The following TMEM132D variants were observed in gnomAD, a reference collection of about 807,000 sequenced individuals.
The protein encoded by TMEM132D is mature OL transmembrane protein.
In TMEM132D, 21 loss-of-function variants were observed where a neutral mutation model predicts 62.3. That is an observed-to-expected ratio of 0.34 (90% confidence interval 0.24 to 0.49). The LOEUF (loss-of-function observed/expected upper bound fraction) is 0.49, where lower values mean the gene tolerates loss of function less well. Ranked by LOEUF, TMEM132D falls within the 20% of genes least tolerant of loss-of-function variation. TMEM132D has a pLI of 0.99. For missense variants in TMEM132D, 1,346 were observed against 1,402.8 expected (o/e 0.96, Z 0.65); for synonymous variants, 621 against 575.6 (o/e 1.08, Z -1.13).
chr12:129,270,144 A>G (rs1237234303), intron 4 of TMEM132D, among the ~76,000 whole-genome samples: 1 of 152,162 alleles, frequency 6.6e-6, no homozygotes, highest in East Asian at 1.9e-4. Context: ...TATGCAGATA[A>G]GGTTGTCCTG....
intron 3 of TMEM132D, among the ~76,000 whole-genome samples, chr12:129,411,816 T>C (rs1434755156): frequency 1.3e-5 from 2 of 152,228 alleles, no homozygotes; most frequent in African/African-American, 2.4e-5. Flanking sequence ...CTTCCACAAA[T>C]ATTTCGAGAT....
At chr12:129,634,082 T>C (rs1329496108) in intron 2 of TMEM132D, among the ~76,000 whole-genome samples, 1 of 152,144 alleles carries the variant, frequency 6.6e-6, no homozygotes, top group Admixed American at 6.5e-5. Flanking sequence ...AACACCCGCA[T>C]CCCATCCTCC....
intron 4 of TMEM132D, among the ~76,000 whole-genome samples, chr12:129,274,537 G>A (rs910270204): frequency 2.6e-5 from 4 of 152,102 alleles, no homozygotes; most frequent in African/African-American, 7.2e-5. Flanking sequence ...ACAAAGAGCA[G>A]TAGGCCTTTT....
intron 3 of TMEM132D, among the ~76,000 whole-genome samples, chr12:129,434,783 C>G (rs907366954): frequency 1.3e-5 from 2 of 152,086 alleles, no homozygotes; most frequent in Admixed American, 1.3e-4. Flanking sequence ...TCACCCATAT[C>G]CATCACCCCA....
At chr12:129,899,041 C>T (rs1193380395) in intron 1 of TMEM132D, among the ~76,000 whole-genome samples, 1 of 152,232 alleles carries the variant, frequency 6.6e-6, no homozygotes, top group Admixed American at 6.5e-5. Flanking sequence ...CCTCACAACA[C>T]TTAGAAATAG....
chr12:129,336,723 C>T (rs894741417), intron 4 of TMEM132D, among the ~76,000 whole-genome samples: 15 of 152,082 alleles, frequency 9.9e-5, no homozygotes, highest in Non-Finnish European at 1.8e-4. Flanking sequence ...TTAGAAGAGG[C>T]AACAGCAGCA....
At chr12:129,424,945 C>T (rs11833493) in intron 3 of TMEM132D, among the ~76,000 whole-genome samples, 26,586 of 151,878 alleles carry the variant, frequency 0.18, 2,717 homozygotes, top group East Asian at 0.27. Flanking sequence ...CAGTCCATCC[C>T]GCTCCCCACC....
intron 2 of TMEM132D, among the ~76,000 whole-genome samples, chr12:129,682,104 T>C (rs540196941): frequency 1.3e-5 from 2 of 152,346 alleles, no homozygotes; most frequent in Admixed American, 6.5e-5. Context: ...TTCTTCTTTA[T>C]AGTTTAAGTC....
intron 5 of TMEM132D, among the ~76,000 whole-genome samples, chr12:129,160,384 C>A (rs1877369006): frequency 2.0e-5 from 3 of 152,208 alleles, no homozygotes; most frequent in South Asian, 4.1e-4. Context: ...CAGAGATGGA[C>A]AAATCACCCA....
At chr12:129,354,989 G>A (rs1869994406) in intron 3 of TMEM132D, among the ~76,000 whole-genome samples, 1 of 152,192 alleles carries the variant, frequency 6.6e-6, no homozygotes, top group African/African-American at 2.4e-5. Context: ...AAACTGATAT[G>A]AATGCTTCAA....
intron 3 of TMEM132D, among the ~76,000 whole-genome samples, chr12:129,381,763 G>A (rs1402358219): frequency 6.6e-6 from 1 of 152,044 alleles, no homozygotes; most frequent in Non-Finnish European, 1.5e-5. Context: ...GTACAGGTAT[G>A]GAGCTTGACA....
intron 5 of TMEM132D, among the ~76,000 whole-genome samples, chr12:129,087,928 G>GA (rs34640354): frequency 8.5e-3 from 726 of 84,998 alleles, no homozygotes; most frequent in Non-Finnish European, 0.012. Context: ...CCCTGACCGG[G>GA]TGTCCTCCAT....
chr12:129,751,250 G>A (rs1306804059), intron 1 of TMEM132D, among the ~76,000 whole-genome samples: 2 of 152,174 alleles, frequency 1.3e-5, no homozygotes, highest in African/African-American at 2.4e-5. Context: ...CATGGTGGGA[G>A]GCAAAGGAGG....
chr12:129,401,072 T>G (rs1195782150), intron 3 of TMEM132D, among the ~76,000 whole-genome samples: 1 of 152,162 alleles, frequency 6.6e-6, no homozygotes. Flanking sequence ...TTTCCCACAC[T>G]GGGCCTGGCC....
At chr12:129,822,648 G>A (rs76327249) in intron 1 of TMEM132D, among the ~76,000 whole-genome samples, 1 of 152,204 alleles carries the variant, frequency 6.6e-6, no homozygotes, top group Admixed American at 6.5e-5. Context: ...AGTTCCACAC[G>A]GCTGCCAAGC....
intron 3 of TMEM132D, among the ~76,000 whole-genome samples, chr12:129,487,186 C>T (rs761186908): frequency 1.6e-4 from 24 of 151,942 alleles, no homozygotes; most frequent in Non-Finnish European, 3.1e-4. Context: ...GTAGAACAGC[C>T]CCAGCGTGCA....
At chr12:129,826,358 T>G (rs1196458170) in intron 1 of TMEM132D, among the ~76,000 whole-genome samples, 1 of 152,140 alleles carries the variant, frequency 6.6e-6, no homozygotes, top group Non-Finnish European at 1.5e-5. Context: ...AGGGTTTTGT[T>G]TGATACAGCA....
chr12:129,205,096 T>G (rs980717160), intron 5 of TMEM132D, among the ~76,000 whole-genome samples: 4 of 152,068 alleles, frequency 2.6e-5, no homozygotes, highest in African/African-American at 9.7e-5. Context: ...AACAGTGACA[T>G]TATAAAGCAA....
chr12:129,780,133 C>T (rs183840028), intron 1 of TMEM132D, among the ~76,000 whole-genome samples: 20 of 152,244 alleles, frequency 1.3e-4, no homozygotes, highest in South Asian at 8.3e-4. Context: ...AGATGTGTCT[C>T]GCCCAAACCA....
Sources: allele counts gnomAD v4.1 joint callset (sites outside exome capture counted in the v4.1 genomes callset), GRCh38; gene constraint gnomAD v4.1.1; transcripts MANE v1.5; gene names NCBI Gene and HGNC (gene_info 2026-07-23, HGNC 2026-07-21).